The following S100Z variants were observed in gnomAD, a reference collection of about 807,000 sequenced individuals.
The protein encoded by S100Z is protein S100-Z.
Under a neutral mutation model 8.5 loss-of-function variants are expected in S100Z, and 11 were observed. The observed-to-expected ratio is 1.30, with a 90% CI of 0.82 to 2.15. The LOEUF is 2.15. Among genes scored for constraint, S100Z ranks in the 30% most tolerant of loss-of-function variants. S100Z has a pLI of 0.00. For missense variants in S100Z, 126 were observed against 117.9 expected (o/e 1.07, Z -0.32); for synonymous variants, 34 against 43.8 (o/e 0.78, Z 0.89).
chr5:76,852,631 A>C (rs933078650), intron 1 of S100Z, among the ~76,000 whole-genome samples: 6 of 152,082 alleles, frequency 3.9e-5, no homozygotes, highest in African/African-American at 1.4e-4. Context: ...AATTGCTTAA[A>C]CCCAGGAGGC....
chr5:76,935,728 C>T, the S100Z span, among the ~76,000 whole-genome samples: 1 of 151,076 alleles, frequency 6.6e-6, no homozygotes, highest in Non-Finnish European at 1.5e-5. Context: ...AATTAATTGG[C>T]TTAAGCCTTT....
At chr5:76,951,517 G>A in the S100Z span, among the ~76,000 whole-genome samples, 1 of 152,176 alleles carries the variant, frequency 6.6e-6, no homozygotes, top group Non-Finnish European at 1.5e-5. Flanking sequence ...TACATCAATG[G>A]GAAAGAGAAG....
chr5:76,882,053 G>A (rs11746500), intron 4 of S100Z, among the ~76,000 whole-genome samples: 54,038 of 152,070 alleles, frequency 0.36, 11,465 homozygotes, highest in East Asian at 0.48. Context: ...AAATATTGAC[G>A]CGTAGTCCCT....
intron 4 of S100Z, among the ~76,000 whole-genome samples, chr5:76,914,064 A>C (rs573776695): frequency 6.6e-6 from 1 of 152,290 alleles, no homozygotes; most frequent in African/African-American, 2.4e-5. Flanking sequence ...GGAACACCAA[A>C]TGAGTTCAAC....
intron 4 of S100Z, among the ~76,000 whole-genome samples, chr5:76,910,767 T>C (rs1744625163): frequency 6.6e-6 from 1 of 152,152 alleles, no homozygotes; most frequent in Non-Finnish European, 1.5e-5. Context: ...GGCCAGGAAA[T>C]TGACTTCCTC....
At chr5:76,889,979 A>G (rs1351171046) in intron 4 of S100Z, among the ~76,000 whole-genome samples, 1 of 152,240 alleles carries the variant, frequency 6.6e-6, no homozygotes, top group Non-Finnish European at 1.5e-5. Flanking sequence ...TGACAATGCC[A>G]ATAGTGAGAA....
At chr5:76,855,131 C>A (rs1750847423) in intron 1 of S100Z, among the ~76,000 whole-genome samples, 1 of 152,204 alleles carries the variant, frequency 6.6e-6, no homozygotes, top group Admixed American at 6.5e-5. Context: ...TGTGTCCAGG[C>A]AGAAGACTGC....
At chr5:76,859,283 T>C (rs1488538528) in intron 1 of S100Z, among the ~76,000 whole-genome samples, 2 of 152,142 alleles carry the variant, frequency 1.3e-5, no homozygotes, top group Non-Finnish European at 2.9e-5. Flanking sequence ...AACCCAGTGT[T>C]GACTAAGATT....
At chr5:76,879,147 G>A (rs1318842699) in intron 4 of S100Z, among the ~76,000 whole-genome samples, 2 of 152,168 alleles carry the variant, frequency 1.3e-5, no homozygotes, top group Non-Finnish European at 2.9e-5. Flanking sequence ...AACCCATGTA[G>A]CTCTTTGTCT....
At chr5:76,952,948 A>T in the S100Z span, 1 of 595,412 alleles carries the variant, frequency 1.7e-6, no homozygotes, top group East Asian at 2.8e-5. Context: ...TCAATGAGAC[A>T]GGGTAACCCA....
chr5:76,929,054 C>T, the S100Z span, among the ~76,000 whole-genome samples: 1 of 152,224 alleles, frequency 6.6e-6, no homozygotes, highest in African/African-American at 2.4e-5. Context: ...ATTTGGCTGT[C>T]TCTTGAGTTA....
chr5:76,864,382 C>CTATA (rs1259617521), intron 1 of S100Z, among the ~76,000 whole-genome samples: 6 of 127,692 alleles, frequency 4.7e-5, no homozygotes, highest in African/African-American at 1.2e-4. Context: ...TTAATGCATA[C>CTATA]TATATTTTTT....
At chr5:76,889,135 T>C (rs1226794744) in intron 4 of S100Z, among the ~76,000 whole-genome samples, 1 of 152,168 alleles carries the variant, frequency 6.6e-6, no homozygotes, top group Non-Finnish European at 1.5e-5. Context: ...CTGGCTGATA[T>C]TACCTGAGCA....
chr5:76,925,148 G>A (rs556980992), downstream of S100Z, among the ~76,000 whole-genome samples: 2 of 133,434 alleles, frequency 1.5e-5, no homozygotes, highest in African/African-American at 5.0e-5. Flanking sequence ...CCCCAAAGAT[G>A]AGTGGCTAGA....
intron 1 of S100Z, among the ~76,000 whole-genome samples, chr5:76,862,720 T>C (rs1342206854): frequency 6.6e-6 from 1 of 152,030 alleles, no homozygotes; most frequent in African/African-American, 2.4e-5. Flanking sequence ...GAGTATGGCT[T>C]GAACCTGGGA....
intron 1 of S100Z, among the ~76,000 whole-genome samples, chr5:76,861,042 G>T (rs902943199): frequency 6.6e-6 from 1 of 152,154 alleles, no homozygotes; most frequent in Non-Finnish European, 1.5e-5. Flanking sequence ...GCATAAAACA[G>T]CAACAAACAT....
In S100Z at chr5:76,863,608, G is replaced by A. The variant is rs185715179; in HGVS notation, c.-175-6558G>A. On this transcript the variant is annotated intron_variant, in intron 1 of 4. Transcript: ENST00000317593. ...GGCTGGAGTGCAGTGGCGCGATCTCGGCTCACTGCAAGCTCCGCCTCCCGG... is the reference window on the plus strand; with the variant it reads ...GGCTGGAGTGCAGTGGCGCGATCTCAGCTCACTGCAAGCTCCGCCTCCCGG... Among the ~76,000 whole-genome samples, 871 of 152,040 alleles carry A rather than the reference G, an allele frequency of 5.7e-3. 9 individuals are homozygous for A. The highest frequency in any genetic ancestry group is 0.019 in the African/African-American group (807 of 41,422).
chr5:76,940,420 T>C, the S100Z span, among the ~76,000 whole-genome samples: 5 of 129,260 alleles, frequency 3.9e-5, no homozygotes, highest in South Asian at 2.7e-4. Context: ...TTTTTTTTTT[T>C]TCTTTTTTTT....
intron 4 of S100Z, among the ~76,000 whole-genome samples, chr5:76,915,302 C>T (rs1744818624): frequency 1.2e-5 from 1 of 84,152 alleles, no homozygotes; most frequent in South Asian, 3.3e-4. Flanking sequence ...GAGACTCCAT[C>T]TCAAAAAAAA....
Sources: allele counts gnomAD v4.1 joint callset (sites outside exome capture counted in the v4.1 genomes callset), GRCh38; gene constraint gnomAD v4.1.1; transcripts MANE v1.5; gene names NCBI Gene and HGNC (gene_info 2026-07-23, HGNC 2026-07-21).